The following SP1 variants were observed in gnomAD, a reference collection of about 807,000 sequenced individuals.
The protein encoded by SP1 is transcription factor Sp1.
A neutral mutation model predicts 66.3 loss-of-function variants in SP1; 6 were observed. The ratio of observed to expected loss-of-function variants is 0.09; its 90% CI spans 0.05 to 0.18. The LOEUF is 0.18. Among genes scored for constraint, SP1 ranks in the 10% least tolerant of loss-of-function variants. SP1 has a pLI of 1.00. For missense variants in SP1, 848 were observed against 964.5 expected (o/e 0.88, Z 1.60); for synonymous variants, 417 against 360.8 (o/e 1.16, Z -1.77).
intron 3 of SP1, among the ~76,000 whole-genome samples, chr12:53,405,810 G>C (rs1297761669): frequency 6.6e-6 from 1 of 152,032 alleles, no homozygotes; most frequent in African/African-American, 2.4e-5. Flanking sequence ...TAATCTGATA[G>C]GTGAAAAATT....
chr12:53,383,760 A>G, intron 3 of SP1, 138 bp downstream of exon 3: 1 of 718,690 alleles, frequency 1.4e-6, no homozygotes, highest in Non-Finnish European at 2.3e-6. Context: ...AAATTTGAGA[A>G]ATAGAGATTC....
intron 3 of SP1, among the ~76,000 whole-genome samples, chr12:53,403,900 G>C (rs1027326057): frequency 1.3e-5 from 2 of 151,864 alleles, no homozygotes; most frequent in Admixed American, 1.3e-4. Context: ...GGCCGGGCAC[G>C]GTGGCTCACG....
rs1021910720 is a variant in SP1, at chr12:53,415,873, TC to T, written c.*4636del. On this transcript the variant is annotated 3_prime_UTR_variant, in exon 6 of 6. Coordinates refer to ENST00000327443, the MANE Select transcript of SP1 (RefSeq NM_138473.3). ...CTTCATATTTTTGATCATCCCTTTC[TC>T]CCAGTGAAATCCCATAGCCCTTACC... The T allele has an allele frequency of 1.2e-4, 19 of 152,554 alleles. No individual in the cohort carries two copies. The highest frequency in any genetic ancestry group is 4.6e-4 in the African/African-American group (19 of 41,388). 9.5% of individuals were successfully genotyped at this position (152,554 alleles called of 1,614,324 possible).
chr12:53,387,014 G>A (rs1474397116), intron 3 of SP1, among the ~76,000 whole-genome samples: 1 of 147,088 alleles, frequency 6.8e-6, no homozygotes, highest in East Asian at 2.0e-4. Context: ...GCAGTGGTGC[G>A]ATCTTGGCTC....
At chr12:53,395,811 CAAAAAAA>C (rs372500453) in intron 3 of SP1, among the ~76,000 whole-genome samples, 2 of 110,664 alleles carry the variant, frequency 1.8e-5, no homozygotes, top group Non-Finnish European at 3.9e-5. Flanking sequence ...ACCAAAAATA[CAAAAAAA>C]AAAAAAAAAT....
chr12:53,407,075 C>T (rs185580445), intron 4 of SP1, among the ~76,000 whole-genome samples: 2,245 of 151,964 alleles, frequency 0.015, 18 homozygotes, highest in Admixed American at 0.022. Context: ...CTGCCCGCCT[C>T]GGCCTCCTAA....
intron 3 of SP1, among the ~76,000 whole-genome samples, chr12:53,384,498 T>C (rs1391609860): frequency 6.6e-6 from 1 of 151,778 alleles, no homozygotes; most frequent in Admixed American, 6.6e-5. Flanking sequence ...TTGGCCAGGC[T>C]GGTCTCGAAC....
chr12:53,398,740 C>T (rs1315519334), intron 3 of SP1, among the ~76,000 whole-genome samples: 1 of 152,110 alleles, frequency 6.6e-6, no homozygotes, highest in East Asian at 1.9e-4. Flanking sequence ...AAAGCATTTA[C>T]TTGATAAAGA....
rs141972984 is a variant in SP1 at position 53,393,362 on chromosome 12, G to T, written c.1675+9740G>T. 4.7e-3 allele frequency among the ~76,000 whole-genome samples: 707 copies of T among 151,634 alleles called. 13 individuals are homozygous for T. The highest frequency in any genetic ancestry group is 0.026 in the Admixed American group (390 of 15,182). On this transcript the variant is annotated intron_variant, in intron 3 of 5. Coordinates refer to ENST00000327443, the MANE Select transcript of SP1 (RefSeq NM_138473.3). ...TGCCCAGGCGCGATCTCTGCTCACC[G>T]CAACCTCTGCTTCCCGGGTTCAACC...
At chr12:53,406,551 G>A (rs777186358) in intron 3 of SP1, 34 bp from the exon 4 acceptor site, 52 of 1,603,288 alleles carry the variant, frequency 3.2e-5, no homozygotes, top group Non-Finnish European at 4.4e-5. Context: ...ACCTGCCCAT[G>A]TCACATGTTG....
intron 3 of SP1, among the ~76,000 whole-genome samples, chr12:53,384,311 G>GT (rs1938178391): frequency 6.8e-6 from 1 of 146,788 alleles, no homozygotes; most frequent in African/African-American, 2.5e-5. Flanking sequence ...TTGAGATGGA[G>GT]TCTTACTCTG....
rs1347686776 is a variant in SP1 at position 53,411,422 on chromosome 12, G to C, written c.*182G>C. 1 of 529,074 alleles carries C rather than the reference G, an allele frequency of 1.9e-6. No individual in the cohort carries two copies. Among genetic ancestry groups the C allele is most frequent in the Non-Finnish European group, 3.3e-6 (1 of 303,316 alleles). The allele number at this position is 529,074 out of a possible 1,614,324, so 32.8% of individuals were successfully genotyped here. ...GTCCCGGCACCCATCTGTATCATCA[G>C]TGCCTCTTTGAAGGTGGGAAACATT... On this transcript the variant is annotated 3_prime_UTR_variant, in exon 6 of 6. Transcript: ENST00000327443.
chr12:53,394,196 C>A (rs1938419497), intron 3 of SP1, among the ~76,000 whole-genome samples: 1 of 150,502 alleles, frequency 6.6e-6, no homozygotes, highest in Non-Finnish European at 1.5e-5. Context: ...GCCTGGGCAA[C>A]AAGACCGAAA....
At chr12:53,407,789 A>G (rs1355430692) in intron 4 of SP1, among the ~76,000 whole-genome samples, 1 of 150,382 alleles carries the variant, frequency 6.6e-6, no homozygotes, top group East Asian at 2.0e-4. Context: ...GGTGCCCGCC[A>G]CCTCGCCCAG....
intron 2 of SP1, 124 bp from the exon 3 acceptor site, chr12:53,381,986 C>A: frequency 8.7e-7 from 1 of 1,143,338 alleles, no homozygotes; most frequent in Non-Finnish European, 1.2e-6. Flanking sequence ...ACAGATAGGT[C>A]AGCTTTTTGT....
At chr12:53,384,262 C>T (rs1231442812) in intron 3 of SP1, among the ~76,000 whole-genome samples, 1 of 151,218 alleles carries the variant, frequency 6.6e-6, no homozygotes, top group South Asian at 2.1e-4. Flanking sequence ...AGCCACCGCG[C>T]CCGGCTTTCT....
chr12:53,409,781 G>A (rs1355278395), intron 5 of SP1, among the ~76,000 whole-genome samples: 5 of 152,106 alleles, frequency 3.3e-5, no homozygotes, highest in Non-Finnish European at 7.4e-5. Flanking sequence ...AGGCCGAGGC[G>A]GGCAGATCAC....
At chr12:53,380,575 A>G in intron 1 of SP1, 1 of 769,654 alleles carries the variant, frequency 1.3e-6, no homozygotes, top group Non-Finnish European at 1.6e-6. Flanking sequence ...CTTACCCCCC[A>G]CTACTCGGCC....
chr12:53,396,869 T>C (rs1422597853), intron 3 of SP1, among the ~76,000 whole-genome samples: 1 of 152,164 alleles, frequency 6.6e-6, no homozygotes, highest in Non-Finnish European at 1.5e-5. Flanking sequence ...GCTCAAGTGA[T>C]CCTCCAACCT....
Sources: gnomAD v4.1 joint callset for allele counts (sites outside exome capture counted in the v4.1 genomes callset) on GRCh38, gnomAD v4.1.1 for gene constraint, MANE v1.5 for transcripts, NCBI Gene and HGNC (gene_info 2026-07-23, HGNC 2026-07-21) for gene names.